CARD9: variants seen among roughly 807,000 people sequenced by gnomAD.
CARD9 encodes the protein caspase recruitment domain-containing protein 9.
A neutral mutation model predicts 66.0 loss-of-function variants in CARD9; 53 were observed. That is an observed-to-expected ratio of 0.80 (90% CI 0.64 to 1.01). The LOEUF (loss-of-function observed/expected upper bound fraction) is 1.01, where lower values mean the gene tolerates loss of function less well. Ranked by LOEUF, CARD9 falls within the 50% of genes least tolerant of loss-of-function variation. The pLI is 0.00. For synonymous variants in CARD9, 387 were observed against 313.8 expected (o/e 1.23, Z -2.47); for missense variants, 769 against 743.2 (o/e 1.03, Z -0.40).
Position 136,370,682 on chromosome 9 carries a change from C to T in CARD9, c.647G>A (p.Ser216Asn), listed in dbSNP as rs1419197999. 8 of 1,612,672 alleles carry T rather than the reference C, an allele frequency of 5.0e-6. No individual in the cohort carries two copies. The highest frequency in any genetic ancestry group is 6.8e-6 in the Non-Finnish European group (8 of 1,179,904). ...LQLEIDQLKH[S>N]LMKAEDDCKV... ...GCAGTCGTCCTCGGCCTTCATGAGG[C>T]TGTGCTTGAGCTGGTCAATCTGCAG... is the stretch of plus-strand genomic sequence containing the variant. The change falls in exon 5 of 13, where the codon AGC (serine) becomes AAC (asparagine). Residue 216 changes from serine to asparagine, a missense_variant. Physicochemically the swap from Ser to Asn is conservative, Grantham distance 46. Transcript: ENST00000371732.
rs1588723712 is a variant in CARD9 at position 136,369,632 on chromosome 9, C to T, written c.1077+118G>A. ...CCACCCTGGGTGACATAGCAAGACC[C>T]CATCTCAAAAACAAATAACAAAGAT... On this transcript the variant is annotated intron_variant, in intron 7 of 12. Transcript: ENST00000371732. 10 of 1,517,132 alleles carry T rather than the reference C, an allele frequency of 6.6e-6. No individual in the cohort carries two copies. In the East Asian group the frequency reaches 1.7e-4, roughly 26 times the overall value. The allele number at this position is 1,517,132 out of a possible 1,614,324, so 94.0% of individuals were successfully genotyped here.
intron 7 of CARD9, among the ~76,000 whole-genome samples, chr9:136,368,166 C>T (rs1008328259): frequency 6.6e-5 from 10 of 152,254 alleles, no homozygotes; most frequent in African/African-American, 2.4e-4. Flanking sequence ...AAGCGTCCTT[C>T]GTGACCGCAG....
At chr9:136,364,591 G>A (rs568378229) in intron 11 of CARD9, 32 bp from the exon 12 acceptor site, 2 of 1,531,528 alleles carry the variant, frequency 1.3e-6, no homozygotes, top group Admixed American at 2.0e-5. Flanking sequence ...GGCTCCGGCC[G>A]GCTCCCCTGA....
rs1198934156 is a variant in CARD9 at position 136,363,968 on chromosome 9, G to A, written c.*334C>T. The A allele has an allele frequency of 3.7e-6, 4 of 1,067,922 alleles. No homozygotes were observed. The highest frequency in any genetic ancestry group is 5.6e-6 in the Non-Finnish European group (4 of 713,890). The allele number at this position is 1,067,922 out of a possible 1,614,324, so 66.2% of individuals were successfully genotyped here. Reference sequence around the variant, plus strand: ...GTCCGAGCGGGAATGCGGGTCACCCGTGCTGTTTATTTACGCAGCTGTGTT... The same window carrying A: ...GTCCGAGCGGGAATGCGGGTCACCCATGCTGTTTATTTACGCAGCTGTGTT... On this transcript the variant is annotated 3_prime_UTR_variant, in exon 13 of 13. Transcript: ENST00000371732.
In CARD9 at chr9:136,364,179, T is replaced by G; in HGVS notation, c.*123A>C. The G allele has an allele frequency of 1.9e-6, 3 of 1,550,494 alleles. No homozygotes were observed. The highest frequency in any genetic ancestry group is 2.6e-6 in the Non-Finnish European group (3 of 1,146,812). On this transcript the variant is annotated 3_prime_UTR_variant, in exon 13 of 13. Coordinates refer to ENST00000371732, the MANE Select transcript of CARD9 (RefSeq NM_052813.5). ...CGGCTGGGCCTTTCAGGGCACCAGA[T>G]TCCTCGTTCCAGGCCAAGTCAGCGA...
chr9:136,373,456 G>C, intron 1 of CARD9, 76 bp downstream of exon 1: 3 of 976,292 alleles, frequency 3.1e-6, no homozygotes, highest in Non-Finnish European at 3.7e-6. Flanking sequence ...TGCTCTGGGG[G>C]ATCAGTGCCA....
chr9:136,366,975 C>G (rs1365166055), intron 9 of CARD9, 130 bp from the exon 10 acceptor site: 1 of 1,178,494 alleles, frequency 8.5e-7, no homozygotes, highest in East Asian at 2.4e-5. Context: ...CAGAGCTTCT[C>G]AGAGACTCAG....
chr9:136,366,638 G>A (rs1025225975), intron 10 of CARD9, 162 bp downstream of exon 10: 1 of 765,454 alleles, frequency 1.3e-6, no homozygotes, highest in Non-Finnish European at 2.3e-6. Context: ...TTCTCTAGGT[G>A]ACCTTGACCA....
At chr9:136,371,519 T>TGGGGGGGGGGG in intron 2 of CARD9, 58 bp from the exon 3 acceptor site, 8 of 365,086 alleles carry the variant, frequency 2.2e-5, no homozygotes, top group East Asian at 5.3e-5. Flanking sequence ...AGGGCTGGGG[T>TGGGGGGGGGGG]GGGTGGGCCT....
At chr9:136,370,163 C>T in intron 6 of CARD9, 131 bp downstream of exon 6, 1 of 1,482,178 alleles carries the variant, frequency 6.7e-7, no homozygotes. Context: ...ACTGTGCCTC[C>T]AGGAGTGGGT....
chr9:136,367,543 G>A (rs1162039266), intron 8 of CARD9, 94 bp downstream of exon 8: 7 of 1,422,800 alleles, frequency 4.9e-6, no homozygotes, highest in South Asian at 1.3e-5. Context: ...ACAGAGAAGG[G>A]TTGGGTCGGG....
rs142533596 is a variant in CARD9, at chr9:136,367,730, C to T, written c.1176G>A (p.Ala392=). Residue 392 remains alanine, a synonymous_variant, in exon 8 of 13, where the codon GCG becomes GCA. Coordinates refer to ENST00000371732, the MANE Select transcript of CARD9 (RefSeq NM_052813.5). ...GGAACACCTGCAGCTGCAGCTCATCCGCCTTCTCGCCCAGCTCCCGCACCT... is the reference window on the plus strand; with the variant it reads ...GGAACACCTGCAGCTGCAGCTCATCTGCCTTCTCGCCCAGCTCCCGCACCT... The part of the protein sequence containing the change: ...RKQVRELGEK[A]DELQLQVFQC... The T allele has an allele frequency of 8.7e-6, 14 of 1,605,168 alleles. No homozygotes were observed. Among genetic ancestry groups the T allele is most frequent in the Admixed American group, 5.0e-5 (3 of 59,912 alleles).
In CARD9 at chr9:136,371,423, C is replaced by T. The variant is rs1437385436; in HGVS notation, c.223G>A (p.Gly75Ser). The T allele has an allele frequency of 2.5e-6, 4 of 1,586,848 alleles. No homozygotes were observed. Among genetic ancestry groups the T allele is most frequent in the Non-Finnish European group, 2.6e-6 (3 of 1,166,270 alleles). Residue 75 changes from glycine (G) to serine (S), a missense_variant, in exon 3 of 13, where the codon GGC becomes AGC. Gly to Ser is a moderately conservative substitution (Grantham distance 56). Coordinates refer to ENST00000371732, the MANE Select transcript of CARD9 (RefSeq NM_052813.5). Reference sequence around the variant, plus strand: ...AGGCTCTCGAGGAAGGCCACGTAGCCCTTGTGGCCGGTCCGCTGCAGGATG... The same window carrying T: ...AGGCTCTCGAGGAAGGCCACGTAGCTCTTGTGGCCGGTCCGCTGCAGGATG... ...LDILQRTGHK[G>S]YVAFLESLEL...
Position 136,370,642 on chromosome 9 carries a change from C to A in CARD9, c.687G>T (p.Lys229Asn), listed in dbSNP as rs1833242172. The change falls in exon 5 of 13, where the codon AAG becomes AAT. Residue 229 changes from lysine (K) to asparagine (N), a missense_variant. Coordinates refer to ENST00000371732, the MANE Select transcript of CARD9 (RefSeq NM_052813.5). ...KAEDDCKVER[K>N]HTLKLRHAME... ...TGGCGTGCCTGAGCTTCAGCGTGTG[C>A]TTGCGCTCCACCTTGCAGTCGTCCT... 4.3e-6 allele frequency: 7 copies of A among 1,612,672 alleles called. No individual in the cohort carries two copies. Among genetic ancestry groups the A allele is most frequent in the Non-Finnish European group, 5.9e-6 (7 of 1,179,920 alleles).
chr9:136,365,276 G>A (rs548761185), intron 10 of CARD9, 59 bp from the exon 11 acceptor site: 6 of 1,527,602 alleles, frequency 3.9e-6, no homozygotes, highest in Middle Eastern at 3.6e-4. Context: ...GTATAGCACG[G>A]CTGCCCCACC....
At chr9:136,369,723 C>A in intron 7 of CARD9, 27 bp downstream of exon 7, 1 of 1,573,786 alleles carries the variant, frequency 6.4e-7, no homozygotes. Flanking sequence ...GAGTGGGGTG[C>A]TTTGTCCTGC....
intron 7 of CARD9, among the ~76,000 whole-genome samples, chr9:136,368,749 C>T (rs1265167013): frequency 3.9e-5 from 6 of 152,186 alleles, no homozygotes; most frequent in African/African-American, 9.7e-5. Context: ...AGTGCAATAG[C>T]GCAATGGTGA....
chr9:136,370,324 G>C lies in CARD9; in HGVS notation c.921C>G (p.Asp307Glu), dbSNP rs1467509517. 5 of 1,608,094 alleles carry C rather than the reference G, an allele frequency of 3.1e-6. No homozygotes were observed. The highest frequency in any genetic ancestry group is 4.2e-6 in the Non-Finnish European group (5 of 1,179,174). Residue 307 changes from aspartate (D) to glutamate (E), a missense_variant, in exon 6 of 13, where the codon GAC becomes GAG. Asp to Glu is a conservative substitution (Grantham distance 45). Transcript: ENST00000371732. ...QANTIFSLRKDLRQGEARRLR... is the reference protein window; with the variant it reads ...QANTIFSLRKELRQGEARRLR... ...GGCGTCGGGCCTCGCCCTGGCGGAGGTCCTTGCGCAGGGAGAAGATGGTGT... is the reference window on the plus strand; with the variant it reads ...GGCGTCGGGCCTCGCCCTGGCGGAGCTCCTTGCGCAGGGAGAAGATGGTGT...
Position 136,370,362 on chromosome 9 carries a change from G to T in CARD9, c.883C>A (p.Gln295Lys). The change falls in exon 6 of 13, where the codon CAG becomes AAG. Residue 295 changes from glutamine to lysine, a missense_variant. Transcript: ENST00000371732. ...EDWRQALRDH[Q>K]EQANTIFSLR... ...GAGAAGATGGTGTTGGCCTGCTCCT[G>T]GTGGTCCCGCAGCGCCTGCCGCCAG... 6.2e-7 allele frequency: 1 copy of T among 1,609,990 alleles called. No homozygotes were observed. Among genetic ancestry groups the T allele is most frequent in the Non-Finnish European group, 8.5e-7 (1 of 1,179,112 alleles).
Sources: allele counts gnomAD v4.1 joint callset (sites outside exome capture counted in the v4.1 genomes callset), GRCh38; gene constraint gnomAD v4.1.1; transcripts MANE v1.5; gene names NCBI Gene and HGNC (gene_info 2026-07-23, HGNC 2026-07-21).